ACTR3B: variants seen among roughly 807,000 people sequenced by gnomAD.
ACTR3B encodes actin related protein 3B, also known as actin-related protein 3B.
Under a neutral mutation model 59.0 loss-of-function variants are expected in ACTR3B, and 8 were observed. The ratio of observed to expected loss-of-function variants is 0.14; its 90% CI spans 0.08 to 0.24. The LOEUF is 0.24. ACTR3B is among the 10% of genes least tolerant of loss of function. The probability of loss-of-function intolerance (pLI) is 1.00; values close to 1 mark genes in which losing one functional copy is unlikely to be tolerated. For synonymous variants in ACTR3B, 148 were observed against 197.9 expected (o/e 0.75, Z 2.12); for missense variants, 245 against 552.3 (o/e 0.44, Z 5.58).
intron 9 of ACTR3B, among the ~76,000 whole-genome samples, chr7:152,848,648 G>A (rs1046931064): frequency 2.0e-5 from 3 of 152,194 alleles, no homozygotes; most frequent in Admixed American, 1.3e-4. Context: ...AGCAGGACCA[G>A]GGGTCAGTTG....
At chr7:152,835,133 C>T (rs571369554) in intron 9 of ACTR3B, among the ~76,000 whole-genome samples, 9 of 151,956 alleles carry the variant, frequency 5.9e-5, no homozygotes, top group African/African-American at 1.7e-4. Flanking sequence ...TTTAGTTTGT[C>T]GTGGTTAAGA....
chr7:152,786,607 G>T (rs1019736149), intron 2 of ACTR3B, among the ~76,000 whole-genome samples: 1 of 150,164 alleles, frequency 6.7e-6, no homozygotes, highest in Non-Finnish European at 1.5e-5. Flanking sequence ...AAACCCCATG[G>T]ACTCACCACC....
intron 9 of ACTR3B, among the ~76,000 whole-genome samples, chr7:152,842,675 G>A (rs550188863): frequency 6.6e-5 from 10 of 152,194 alleles, no homozygotes; most frequent in Non-Finnish European, 1.0e-4. Context: ...CAAGTCAGCC[G>A]TCCCCTGCTG....
chr7:152,800,767 T>G, intron 3 of ACTR3B, 112 bp downstream of exon 3: 1 of 1,361,706 alleles, frequency 7.3e-7, no homozygotes. Flanking sequence ...TATGTTTGAA[T>G]TCTTATGTTT....
Position 152,837,765 on chromosome 7 carries a change from C to T in ACTR3B, c.951+12643C>T, listed in dbSNP as rs374586195. ...CCTGTCACACTGAGAAATGGTTTGTCGTAGGCATGGCTGAGAGGCTTCAAA... is the reference window on the plus strand; with the variant it reads ...CCTGTCACACTGAGAAATGGTTTGTTGTAGGCATGGCTGAGAGGCTTCAAA... On this transcript the variant is annotated intron_variant, in intron 9 of 11. Transcript: ENST00000256001. Among the ~76,000 whole-genome samples the T allele has an allele frequency of 7.4e-3, 1,124 of 152,168 alleles. 4 individuals carry two copies. The highest frequency in any genetic ancestry group is 0.037 in the South Asian group (180 of 4,814).
chr7:152,799,371 G>A lies in ACTR3B; in HGVS notation c.101-1160G>A, dbSNP rs754502553. 3.4e-4 allele frequency among the ~76,000 whole-genome samples: 52 copies of A among 152,308 alleles called. 1 individual carries two copies. Among genetic ancestry groups the A allele is most frequent in the Non-Finnish European group, 5.1e-4 (35 of 68,028 alleles). On this transcript the variant is annotated intron_variant, in intron 2 of 11. Coordinates refer to ENST00000256001, the MANE Select transcript of ACTR3B (RefSeq NM_020445.6). ...AAATCCTGTCTGTCTCTTAGAAGCT[G>A]TGTGACCTTGATAGATTGTTAAGCT...
At chr7:152,793,955 G>T (rs1371968011) in intron 2 of ACTR3B, among the ~76,000 whole-genome samples, 1 of 151,962 alleles carries the variant, frequency 6.6e-6, no homozygotes, top group Non-Finnish European at 1.5e-5. Flanking sequence ...GCTGGGCTGG[G>T]GTGGAAGTGG....
At chr7:152,847,965 T>A (rs1798491940) in intron 9 of ACTR3B, among the ~76,000 whole-genome samples, 1 of 152,080 alleles carries the variant, frequency 6.6e-6, no homozygotes, top group Non-Finnish European at 1.5e-5. Flanking sequence ...GTCTTGTGAG[T>A]GAATACTGAA....
chr7:152,767,734 A>T (rs1159580444), intron 1 of ACTR3B, among the ~76,000 whole-genome samples: 3 of 151,836 alleles, frequency 2.0e-5, no homozygotes, highest in African/African-American at 4.8e-5. Flanking sequence ...TTTTTTTGCT[A>T]TCATAAATGG....
intron 9 of ACTR3B, among the ~76,000 whole-genome samples, chr7:152,849,545 C>G (rs576106523): frequency 2.0e-5 from 3 of 152,240 alleles, no homozygotes; most frequent in Non-Finnish European, 2.9e-5. Context: ...CCAGGGGTGT[C>G]CAACCTTTTG....
chr7:152,762,166 G>A (rs1038585647), intron 1 of ACTR3B, among the ~76,000 whole-genome samples: 2 of 152,058 alleles, frequency 1.3e-5, no homozygotes, highest in Non-Finnish European at 2.9e-5. Context: ...GGTAAACCCC[G>A]AGACTACCTG....
At position 152,800,622 on chromosome 7, in the gene ACTR3B, T is replaced by C; in HGVS notation, c.192T>C (p.Asp64=). The C allele has an allele frequency of 2.5e-6, 4 of 1,614,154 alleles. No homozygotes were observed. The highest frequency in any genetic ancestry group is 3.4e-6 in the Non-Finnish European group (4 of 1,179,986). ...ATGACCTTGACTTTTTCATAGGAGA[T>C]GAAGCCATCGATAAACCTACATATG... ...GVDDLDFFIG[D]EAIDKPTYAT... is the part of the protein sequence containing the mutation. The change falls in exon 3 of 12, where the codon GAT becomes GAC. Residue 64 remains aspartate (D), a synonymous_variant. Coordinates refer to ENST00000256001, the MANE Select transcript of ACTR3B (RefSeq NM_020445.6).
chr7:152,852,000 A>G, intron 9 of ACTR3B, 126 bp from the exon 10 acceptor site: 2 of 1,310,138 alleles, frequency 1.5e-6, no homozygotes, highest in Non-Finnish European at 2.1e-6. Context: ...TTTTGTTCGC[A>G]TCTTTCATAG....
At chr7:152,818,567 C>T (rs1012277403) in intron 6 of ACTR3B, among the ~76,000 whole-genome samples, 1 of 152,276 alleles carries the variant, frequency 6.6e-6, no homozygotes, top group Non-Finnish European at 1.5e-5. Flanking sequence ...TCTCCTGCCT[C>T]GGCCTCCTGA....
At chr7:152,770,737 A>C (rs1005357007) in intron 1 of ACTR3B, among the ~76,000 whole-genome samples, 18 of 146,206 alleles carry the variant, frequency 1.2e-4, no homozygotes, top group African/African-American at 4.6e-4. Context: ...CCAGAGGACT[A>C]CACAGAGATT....
chr7:152,759,859 G>C lies in ACTR3B; in HGVS notation c.-24G>C, dbSNP rs2098083479. The C allele has an allele frequency of 7.8e-7, 1 of 1,280,546 alleles. No homozygotes were observed. Among genetic ancestry groups the C allele is most frequent in the Non-Finnish European group, 9.9e-7 (1 of 1,008,200 alleles). The allele number at this position is 1,280,546 out of a possible 1,614,324, so 79.3% of individuals were successfully genotyped here. On this transcript the variant is annotated 5_prime_UTR_variant, in exon 1 of 12. Coordinates refer to ENST00000256001, the MANE Select transcript of ACTR3B (RefSeq NM_020445.6). ...CGGGGCGCTCTCGGGCTGCCGGCGG[G>C]GCCGAGCGCCGCGCGTCCCGAGCAT...
intron 9 of ACTR3B, among the ~76,000 whole-genome samples, chr7:152,831,250 T>C (rs1320690996): frequency 6.6e-6 from 1 of 152,166 alleles, no homozygotes; most frequent in Non-Finnish European, 1.5e-5. Context: ...GGGAGGCTGG[T>C]GGAGATGTGG....
rs530042680 is a variant in ACTR3B, at chr7:152,824,398, G to A, written c.859-632G>A. Among the ~76,000 whole-genome samples, 61 of 152,262 alleles carry A rather than the reference G, an allele frequency of 4.0e-4. No individual in the cohort carries two copies. The highest frequency in any genetic ancestry group is 2.3e-3 in the South Asian group (11 of 4,824). On this transcript the variant is annotated intron_variant, in intron 8 of 11. Coordinates refer to ENST00000256001, the MANE Select transcript of ACTR3B (RefSeq NM_020445.6). The surrounding 1 kb of genome is among the most constrained non-coding windows in gnomAD (Gnocchi z 4.2). ...ATATCCTCCTCCTTCCTCTGAGAGT[G>A]CACATTCAAGCTTACTTTGATTTTT...
intron 9 of ACTR3B, among the ~76,000 whole-genome samples, chr7:152,838,498 A>G (rs548472765): frequency 5.1e-4 from 78 of 152,220 alleles, no homozygotes; most frequent in Non-Finnish European, 8.5e-4. Flanking sequence ...GAAGACATGG[A>G]CACAGGGAGG....
Sources: gnomAD v4.1 joint callset for allele counts (sites outside exome capture counted in the v4.1 genomes callset) on GRCh38, gnomAD v4.1.1 for gene constraint, Gnocchi (gnomAD v3.1) non-coding constraint, MANE v1.5 for transcripts, NCBI Gene and HGNC (gene_info 2026-07-23, HGNC 2026-07-21) for gene names.